Variants in CD200R1 observed in about 807,000 individuals in gnomAD.
CD200R1 encodes cell surface glycoprotein CD200 receptor 1.
CD200R1 carries 30 observed loss-of-function variants against 38.1 expected under a neutral mutation model. The observed-to-expected ratio is 0.79, with a 90% CI of 0.59 to 1.07. CD200R1 has a LOEUF of 1.07. Ranked by LOEUF, CD200R1 falls within the 50% of genes least tolerant of loss-of-function variation. CD200R1 has a pLI of 0.00. For synonymous variants in CD200R1, 128 were observed against 152.1 expected, an observed-to-expected ratio of 0.84 and a Z score of 1.16; for missense variants, 372 against 415.4, an observed-to-expected ratio of 0.90 and a Z score of 0.91.
intron 1 of CD200R1, among the ~76,000 whole-genome samples, chr3:112,960,106 T>C (rs1418207907): frequency 2.0e-5 from 3 of 152,058 alleles, no homozygotes; most frequent in Non-Finnish European, 4.4e-5. Flanking sequence ...GTAACTGAGA[T>C]CTTATTCACA....
At chr3:112,941,116 G>C (rs996946630) in intron 2 of CD200R1, among the ~76,000 whole-genome samples, 1 of 151,620 alleles carries the variant, frequency 6.6e-6, no homozygotes, top group Non-Finnish European at 1.5e-5. Context: ...TCTCATAGAA[G>C]TAAAAGGCAG....
intron 2 of CD200R1, among the ~76,000 whole-genome samples, chr3:112,933,501 C>G (rs1940504465): frequency 6.6e-6 from 1 of 152,124 alleles, no homozygotes; most frequent in Non-Finnish European, 1.5e-5. Flanking sequence ...TCTTAAGAAG[C>G]CTACACCATA....
intron 2 of CD200R1, among the ~76,000 whole-genome samples, chr3:112,934,992 TA>T (rs1340727027): frequency 6.6e-6 from 1 of 151,842 alleles, no homozygotes. Context: ...AAAGGCTATA[TA>T]AAAAAGAACA....
At chr3:112,940,738 T>A (rs1359291363) in intron 2 of CD200R1, among the ~76,000 whole-genome samples, 1 of 151,772 alleles carries the variant, frequency 6.6e-6, no homozygotes, top group Non-Finnish European at 1.5e-5. Context: ...AAGAATAGTA[T>A]GGAAGTTCCT....
At chr3:112,959,296 G>A (rs753829149) in intron 1 of CD200R1, among the ~76,000 whole-genome samples, 2 of 152,038 alleles carry the variant, frequency 1.3e-5, no homozygotes, top group African/African-American at 4.8e-5. Flanking sequence ...CAGGTCTTCC[G>A]GAGGAATACA....
At chr3:112,945,220 G>T (rs1247129695) in intron 2 of CD200R1, among the ~76,000 whole-genome samples, 2 of 152,090 alleles carry the variant, frequency 1.3e-5, no homozygotes, top group East Asian at 3.8e-4. Context: ...TAAACAAACT[G>T]ATTTTTAAGT....
In CD200R1 at chr3:112,975,011, C is replaced by G; in HGVS notation, c.-154G>C. On this transcript the variant is annotated 5_prime_UTR_variant, in exon 1 of 8. Coordinates refer to ENST00000308611, the MANE Select transcript of CD200R1 (RefSeq NM_138806.4). The stretch of plus-strand genomic sequence containing the variant: ...TGGGGCACTCCCTTCCTTCTAGCCC[C>G]TTCCTTCACGTCTATGTGGTTTAGC... 1.6e-6 allele frequency: 1 copy of G among 633,654 alleles called. No individual in the cohort carries two copies. Among genetic ancestry groups the G allele is most frequent in the Non-Finnish European group, 2.8e-6 (1 of 354,036 alleles). 39.3% of individuals were successfully genotyped at this position (633,654 alleles called of 1,614,324 possible). A position where few individuals can be genotyped will look rare whatever the true frequency, so the allele number is the denominator to read the frequency against.
At position 112,943,564 on chromosome 3, in the gene CD200R1, C is replaced by T. The variant is rs183412718; in HGVS notation, c.136+4292G>A. ...ATCAATCACCCAGACTCCAACTTTA[C>T]GAAACTAGAAAATAGAAGAGCAAAT... On this transcript the variant is annotated intron_variant, in intron 2 of 7. Transcript: ENST00000308611. Among the ~76,000 whole-genome samples, 54 of 151,328 alleles carry T rather than the reference C, an allele frequency of 3.6e-4. 1 individual carries two copies. Among genetic ancestry groups the T allele is most frequent in the African/African-American group, 1.1e-3 (46 of 41,400 alleles).
chr3:112,930,244 T>A (rs1208404003), intron 3 of CD200R1, among the ~76,000 whole-genome samples: 1 of 152,158 alleles, frequency 6.6e-6, no homozygotes, highest in East Asian at 1.9e-4. Context: ...ATATAATTTT[T>A]AAAAAACGAT....
chr3:112,964,412 C>T (rs997387673), intron 1 of CD200R1, among the ~76,000 whole-genome samples: 6 of 152,150 alleles, frequency 3.9e-5, no homozygotes, highest in African/African-American at 1.4e-4. Context: ...GCAGAGCTAC[C>T]CAAGACCATG....
chr3:112,952,780 G>A (rs971881486), intron 1 of CD200R1, among the ~76,000 whole-genome samples: 50 of 151,968 alleles, frequency 3.3e-4, no homozygotes, highest in African/African-American at 4.8e-5. Context: ...AAAACTTAAA[G>A]TATAATAATA....
At chr3:112,958,354 T>C (rs754777152) in intron 1 of CD200R1, among the ~76,000 whole-genome samples, 32 of 152,184 alleles carry the variant, frequency 2.1e-4, no homozygotes, top group African/African-American at 7.0e-4. Flanking sequence ...ATTCTACTAA[T>C]TGAAAGTACA....
intron 1 of CD200R1, among the ~76,000 whole-genome samples, chr3:112,954,164 T>C (rs60490523): frequency 0.028 from 4,322 of 152,266 alleles, 194 homozygotes; most frequent in East Asian, 0.22. Flanking sequence ...CCTTAATTTC[T>C]CTTTTAATTT....
At chr3:112,964,447 G>T (rs1009971331) in intron 1 of CD200R1, among the ~76,000 whole-genome samples, 3 of 152,244 alleles carry the variant, frequency 2.0e-5, no homozygotes, top group Admixed American at 1.3e-4. Flanking sequence ...GCATCAGCAT[G>T]ACCTGGATGT....
chr3:112,955,120 T>C (rs555356875), intron 1 of CD200R1, among the ~76,000 whole-genome samples: 1 of 152,294 alleles, frequency 6.6e-6, no homozygotes, highest in East Asian at 1.9e-4. Flanking sequence ...GAAAACCAAT[T>C]TGAGTTGTTT....
chr3:112,968,808 A>C (rs1451796845), intron 1 of CD200R1, among the ~76,000 whole-genome samples: 1 of 152,252 alleles, frequency 6.6e-6, no homozygotes, highest in African/African-American at 2.4e-5. Flanking sequence ...AAAAGAACTC[A>C]GATTTGAGAT....
chr3:112,942,284 A>C (rs764697730), intron 2 of CD200R1, among the ~76,000 whole-genome samples: 1 of 151,764 alleles, frequency 6.6e-6, no homozygotes, highest in Non-Finnish European at 1.5e-5. Flanking sequence ...TATGTATAAG[A>C]AGAATGAATA....
At chr3:112,961,046 T>A (rs1319099383) in intron 1 of CD200R1, among the ~76,000 whole-genome samples, 1 of 151,996 alleles carries the variant, frequency 6.6e-6, no homozygotes, top group Non-Finnish European at 1.5e-5. Flanking sequence ...CCAAATTAGA[T>A]GTTCAGCAAA....
intron 2 of CD200R1, among the ~76,000 whole-genome samples, chr3:112,945,812 G>A (rs557200801): frequency 6.6e-6 from 1 of 152,110 alleles, no homozygotes; most frequent in African/African-American, 2.4e-5. Flanking sequence ...GGCGGATCAC[G>A]AGGTCAGGAA....
Sources: gnomAD v4.1 joint callset for allele counts (sites outside exome capture counted in the v4.1 genomes callset) on GRCh38, gnomAD v4.1.1 for gene constraint, MANE v1.5 for transcripts, NCBI Gene and HGNC (gene_info 2026-07-23, HGNC 2026-07-21) for gene names.